RAPGEF4: variants seen among roughly 807,000 people sequenced by gnomAD.
The protein encoded by RAPGEF4 is RAP guanine-nucleotide-exchange factor (GEF) 4.
Under a neutral mutation model 147.9 loss-of-function variants are expected in RAPGEF4, and 66 were observed. That is an observed-to-expected ratio of 0.45 (90% CI 0.37 to 0.55). The LOEUF is 0.55. Ranked by LOEUF, RAPGEF4 falls within the 20% of genes least tolerant of loss-of-function variation. The pLI is 0.00. For synonymous variants in RAPGEF4, 419 were observed against 442.7 expected, an observed-to-expected ratio of 0.95 and a Z score of 0.67; for missense variants, 1,071 against 1,257.3, an observed-to-expected ratio of 0.85 and a Z score of 2.24.
chr2:172,912,204 A>G (rs543554681), intron 4 of RAPGEF4, among the ~76,000 whole-genome samples: 21 of 152,160 alleles, frequency 1.4e-4, no homozygotes, highest in Non-Finnish European at 2.4e-4. Context: ...GATTCTTTTT[A>G]TTAGTTACTG....
intron 1 of RAPGEF4, among the ~76,000 whole-genome samples, chr2:172,746,825 C>A (rs186532404): frequency 6.6e-6 from 1 of 152,104 alleles, no homozygotes; most frequent in East Asian, 1.9e-4. Context: ...GTTGGCCAGG[C>A]TGATCTTGAA....
At chr2:172,861,379 C>T (rs1310269371) in intron 4 of RAPGEF4, among the ~76,000 whole-genome samples, 4 of 152,126 alleles carry the variant, frequency 2.6e-5, no homozygotes, top group Admixed American at 2.0e-4. Context: ...TCAAAACAAG[C>T]CTTAAAACAG....
intron 17 of RAPGEF4, among the ~76,000 whole-genome samples, chr2:173,008,882 C>G (rs777749178): frequency 6.6e-6 from 1 of 152,124 alleles, no homozygotes; most frequent in African/African-American, 2.4e-5. Flanking sequence ...ACGGCAGAGC[C>G]GGCATGAGGA....
intron 1 of RAPGEF4, among the ~76,000 whole-genome samples, chr2:172,787,850 G>A (rs1685378699): frequency 6.6e-6 from 1 of 152,076 alleles, no homozygotes; most frequent in African/African-American, 2.4e-5. Flanking sequence ...GAACTGCTGG[G>A]CTCAAGCAAC....
chr2:172,931,195 C>CG (rs1685928458), intron 6 of RAPGEF4, among the ~76,000 whole-genome samples: 2 of 12,576 alleles, frequency 1.6e-4, no homozygotes, highest in African/African-American at 2.8e-4. Context: ...CGCTGGGGGG[C>CG]GGGGGGACTG....
intron 25 of RAPGEF4, 96 bp downstream of exon 25, chr2:173,027,355 AG>A (rs1225504463): frequency 5.8e-6 from 6 of 1,036,768 alleles, no homozygotes; most frequent in African/African-American, 1.6e-5. Context: ...AGCAGGATCT[AG>A]GAACTGCTAG....
At chr2:172,939,240 CTG>C (rs1486235147) in intron 6 of RAPGEF4, among the ~76,000 whole-genome samples, 10 of 152,336 alleles carry the variant, frequency 6.6e-5, no homozygotes, top group Admixed American at 5.2e-4. Flanking sequence ...AACTGCCAAA[CTG>C]TCTTCCAAAG....
chr2:173,032,541 A>G (rs897722183), intron 26 of RAPGEF4, among the ~76,000 whole-genome samples: 6 of 152,246 alleles, frequency 3.9e-5, no homozygotes, highest in African/African-American at 1.4e-4. Context: ...GACTAAATTC[A>G]GTAAGTCAAT....
At position 173,042,622 on chromosome 2, in the gene RAPGEF4, C is replaced by CA. The variant is rs10710442; in HGVS notation, c.2853+5941dup. Among the ~76,000 whole-genome samples, 11,084 of 141,610 alleles carry CA rather than the reference C, an allele frequency of 0.078. 566 individuals carry two copies. The highest frequency in any genetic ancestry group is 0.13 in the Admixed American group (1,860 of 14,338). 92.9% of individuals were successfully genotyped at this position (141,610 alleles called of 152,430 possible). A position where few individuals can be genotyped will look rare whatever the true frequency, so the allele number is the denominator to read the frequency against. On this transcript the variant is annotated intron_variant, in intron 29 of 30. Transcript: ENST00000397081. This position sits in a 1 kb window ranked among gnomAD's most constrained non-coding sequence, Gnocchi z 4.2. ...TGGGCAATAGAGTAAGACTCCAAAT[C>CA]AAAAAAAAAAAGGGAAAGAAAATTG...
chr2:172,900,596 A>G (rs1360044720), intron 4 of RAPGEF4, among the ~76,000 whole-genome samples: 1 of 152,226 alleles, frequency 6.6e-6, no homozygotes, highest in Non-Finnish European at 1.5e-5. Context: ...GAATAACACA[A>G]AGGACTTACC....
At chr2:173,007,302 G>A (rs1694580147) in intron 17 of RAPGEF4, among the ~76,000 whole-genome samples, 1 of 152,186 alleles carries the variant, frequency 6.6e-6, no homozygotes, top group South Asian at 2.1e-4. Flanking sequence ...CTGAAAATCA[G>A]TGGGAAAAAT....
chr2:173,019,463 C>T (rs1215250948), intron 22 of RAPGEF4, among the ~76,000 whole-genome samples: 2 of 152,154 alleles, frequency 1.3e-5, no homozygotes, highest in Admixed American at 1.3e-4. Context: ...TAAGTTAAAA[C>T]AATTACAGTT....
chr2:172,889,312 A>G (rs1697612341), intron 4 of RAPGEF4, among the ~76,000 whole-genome samples: 1 of 152,146 alleles, frequency 6.6e-6, no homozygotes, highest in African/African-American at 2.4e-5. Context: ...AAAGAAAACC[A>G]CTTTTACTGG....
intron 1 of RAPGEF4, among the ~76,000 whole-genome samples, chr2:172,788,467 T>C (rs765983861): frequency 6.6e-6 from 1 of 152,198 alleles, no homozygotes; most frequent in Non-Finnish European, 1.5e-5. Flanking sequence ...TCTGTTGCTG[T>C]GTAACAAATT....
At chr2:172,778,635 G>A (rs1391784798) in intron 1 of RAPGEF4, among the ~76,000 whole-genome samples, 2 of 152,056 alleles carry the variant, frequency 1.3e-5, no homozygotes, top group African/African-American at 4.8e-5. Context: ...CTCTAAAAAG[G>A]AATGGTGCCT....
At chr2:173,047,739 C>G (rs1010725326) in intron 29 of RAPGEF4, among the ~76,000 whole-genome samples, 1 of 151,618 alleles carries the variant, frequency 6.6e-6, no homozygotes, top group African/African-American at 2.4e-5. Flanking sequence ...TGCAGTGGCG[C>G]GATCTCGGCT....
intron 1 of RAPGEF4, among the ~76,000 whole-genome samples, chr2:172,739,614 G>T (rs1407447185): frequency 1.3e-5 from 2 of 152,088 alleles, no homozygotes; most frequent in Admixed American, 6.5e-5. Flanking sequence ...CAGCTGATCC[G>T]CTCGCCTTGG....
chr2:172,814,729 C>CCTG, intron 4 of RAPGEF4: 1 of 368,442 alleles, frequency 2.7e-6, no homozygotes, highest in Non-Finnish European at 5.2e-6. Context: ...CAGATGTATT[C>CCTG]TTAACCAGGG....
At chr2:173,037,768 CTTTA>C (rs1166987231) in intron 29 of RAPGEF4, among the ~76,000 whole-genome samples, 1 of 152,118 alleles carries the variant, frequency 6.6e-6, no homozygotes, top group Non-Finnish European at 1.5e-5. Context: ...AGTTTCATCA[CTTTA>C]TACTTGTCCC....
Sources: allele counts gnomAD v4.1 joint callset (sites outside exome capture counted in the v4.1 genomes callset), GRCh38; gene constraint gnomAD v4.1.1; non-coding constraint Gnocchi (gnomAD v3.1); transcripts MANE v1.5; gene names NCBI Gene and HGNC (gene_info 2026-07-23, HGNC 2026-07-21).